Variants in INSC observed in about 807,000 individuals in gnomAD.
INSC encodes INSC spindle orientation adaptor protein.
INSC carries 67 observed loss-of-function variants against 58.6 expected under a neutral mutation model. The ratio of observed to expected loss-of-function variants is 1.14; its 90% CI spans 0.94 to 1.40. INSC has a LOEUF of 1.40. Ranked by LOEUF, INSC falls within the 40% of genes most tolerant of loss-of-function variation. The probability of loss-of-function intolerance (pLI) is 0.00; values close to 1 mark genes in which losing one functional copy is unlikely to be tolerated. For missense variants in INSC, 714 were observed against 692.0 expected (o/e 1.03, Z -0.36); for synonymous variants, 262 against 276.1 (o/e 0.95, Z 0.51).
chr11:15,174,382 G>A (rs1339794929), intron 2 of INSC, among the ~76,000 whole-genome samples: 3 of 151,000 alleles, frequency 2.0e-5, no homozygotes, highest in Non-Finnish European at 2.9e-5. Context: ...TTCCTTCCTA[G>A]CATTTGCTAC....
At chr11:15,219,178 AT>A (rs774316564) in intron 7 of INSC, among the ~76,000 whole-genome samples, 2 of 152,130 alleles carry the variant, frequency 1.3e-5, no homozygotes, top group African/African-American at 2.4e-5. Context: ...TCTGGGTGGG[AT>A]ACAGGAACTT....
chr11:15,192,217 C>T (rs1317088847), intron 6 of INSC, among the ~76,000 whole-genome samples: 1 of 152,232 alleles, frequency 6.6e-6, no homozygotes, highest in East Asian at 1.9e-4. Context: ...TTGGGTCCTA[C>T]ATTCTGGCCA....
At chr11:15,119,109 C>A (rs553168265) in intron 1 of INSC, among the ~76,000 whole-genome samples, 1 of 152,226 alleles carries the variant, frequency 6.6e-6, no homozygotes, top group African/African-American at 2.4e-5. Context: ...GAAAAAACTA[C>A]TCCTTTGGGC....
At chr11:15,143,256 C>T (rs1012849408) in intron 1 of INSC, among the ~76,000 whole-genome samples, 12 of 152,188 alleles carry the variant, frequency 7.9e-5, no homozygotes, top group East Asian at 7.7e-4. Flanking sequence ...GGAGAAATAC[C>T]GAGGGGACTA....
At chr11:15,134,365 G>C (rs1325637485) in intron 1 of INSC, among the ~76,000 whole-genome samples, 1 of 152,166 alleles carries the variant, frequency 6.6e-6, no homozygotes, top group Non-Finnish European at 1.5e-5. Flanking sequence ...AGATATCTTA[G>C]AATGACCTGA....
At chr11:15,240,753 C>T (rs1306507189) in intron 12 of INSC, among the ~76,000 whole-genome samples, 1 of 152,126 alleles carries the variant, frequency 6.6e-6, no homozygotes, top group Non-Finnish European at 1.5e-5. Context: ...CTGAGAAACT[C>T]CCTCTTCCCT....
chr11:15,245,550 T>C (rs1852529667), intron 12 of INSC, among the ~76,000 whole-genome samples: 1 of 152,210 alleles, frequency 6.6e-6, no homozygotes, highest in African/African-American at 2.4e-5. Context: ...CTTTTTTCCA[T>C]AGTGCTTTCT....
At chr11:15,265,621 CT>C in the INSC span, among the ~76,000 whole-genome samples, 1 of 151,526 alleles carries the variant, frequency 6.6e-6, no homozygotes, top group Admixed American at 6.6e-5. Context: ...GAATTATGTA[CT>C]ATTACTCATT....
chr11:15,145,905 G>A (rs1055853120), intron 1 of INSC, among the ~76,000 whole-genome samples: 3 of 152,180 alleles, frequency 2.0e-5, no homozygotes, highest in African/African-American at 4.8e-5. Context: ...CGGGAATGGA[G>A]TCAGGGTGTC....
intron 7 of INSC, among the ~76,000 whole-genome samples, chr11:15,218,677 T>A (rs1011801747): frequency 1.3e-5 from 2 of 152,076 alleles, no homozygotes; most frequent in Non-Finnish European, 2.9e-5. Context: ...CGATGGGCAA[T>A]TGGCAATTGT....
At chr11:15,124,804 A>T (rs1590332331) in intron 1 of INSC, among the ~76,000 whole-genome samples, 1 of 152,182 alleles carries the variant, frequency 6.6e-6, no homozygotes, top group East Asian at 1.9e-4. Flanking sequence ...TGACAGCCAC[A>T]TTAGATAACA....
intron 6 of INSC, among the ~76,000 whole-genome samples, chr11:15,191,097 CAG>C (rs1850156518): frequency 6.6e-6 from 1 of 151,800 alleles, no homozygotes; most frequent in Admixed American, 6.6e-5. Flanking sequence ...TCTCCTGCCT[CAG>C]CCTCCCGAGT....
intron 9 of INSC, among the ~76,000 whole-genome samples, chr11:15,230,477 A>G (rs1447401834): frequency 6.6e-6 from 1 of 152,176 alleles, no homozygotes; most frequent in Admixed American, 6.5e-5. Context: ...GTGCTAAATC[A>G]TTCATGAAGG....
In INSC at chr11:15,208,278, C is replaced by T. The variant is rs550765215; in HGVS notation, c.819+7329C>T. On this transcript the variant is annotated intron_variant, in intron 7 of 12. Transcript: ENST00000379556. ...CAGCTTCCTCCACTCCTCACACCCC[C>T]AAACACTAGCCTTCAACTCCCATGG... Among the ~76,000 whole-genome samples the T allele has an allele frequency of 3.9e-5, 6 of 152,300 alleles. No homozygotes were observed. The East Asian group carries it at 1.2e-3, about 29-fold the overall frequency.
intron 5 of INSC, among the ~76,000 whole-genome samples, chr11:15,186,380 C>T (rs936314482): frequency 6.6e-6 from 1 of 152,112 alleles, no homozygotes; most frequent in Non-Finnish European, 1.5e-5. Flanking sequence ...TCTTTCCTAA[C>T]TTATAGAGTG....
intron 1 of INSC, among the ~76,000 whole-genome samples, chr11:15,120,718 T>C (rs1328906248): frequency 6.6e-6 from 1 of 152,208 alleles, no homozygotes; most frequent in East Asian, 1.9e-4. Context: ...AGACTTTTTG[T>C]CATATTTATG....
chr11:15,239,174 C>G, intron 11 of INSC, 100 bp downstream of exon 11: 1 of 1,421,936 alleles, frequency 7.0e-7, no homozygotes. Flanking sequence ...AGGGCAAGAG[C>G]TGGCTGGCAT....
At chr11:15,130,445 T>A (rs1848098483) in intron 1 of INSC, among the ~76,000 whole-genome samples, 2 of 152,238 alleles carry the variant, frequency 1.3e-5, no homozygotes, top group African/African-American at 4.8e-5. Context: ...AACTTAGCCA[T>A]GATATACAAT....
intron 1 of INSC, among the ~76,000 whole-genome samples, chr11:15,146,121 C>T (rs1848485342): frequency 6.6e-6 from 1 of 152,254 alleles, no homozygotes; most frequent in African/African-American, 2.4e-5. Flanking sequence ...TGGCACATAA[C>T]ACATGCTCAG....
Sources: gnomAD v4.1 joint callset for allele counts (sites outside exome capture counted in the v4.1 genomes callset) on GRCh38, gnomAD v4.1.1 for gene constraint, MANE v1.5 for transcripts, NCBI Gene and HGNC (gene_info 2026-07-23, HGNC 2026-07-21) for gene names.